NBAS: variants seen among roughly 807,000 people sequenced by gnomAD.
NBAS encodes NAG/BC035112 fusion.
In NBAS, 219 loss-of-function variants were observed where a neutral mutation model predicts 302.5. That is an observed-to-expected ratio of 0.72 (90% CI 0.65 to 0.81). The LOEUF (loss-of-function observed/expected upper bound fraction) is 0.81. Ranked by LOEUF, NBAS falls within the 30% of genes least tolerant of loss-of-function variation. The pLI is 0.00. For synonymous variants in NBAS, 1,118 were observed against 1,021.6 expected (o/e 1.09, Z -1.80); for missense variants, 2,932 against 2,841.6 (o/e 1.03, Z -0.72).
chr2:15,317,085 T>C (rs1351849004), intron 38 of NBAS, among the ~76,000 whole-genome samples: 2 of 152,160 alleles, frequency 1.3e-5, no homozygotes, highest in Non-Finnish European at 2.9e-5. Context: ...GCAGCCTCCA[T>C]TGGTGATGAA....
rs1018989950 is a variant in NBAS, at chr2:15,415,694, C to G, written c.2789G>C (p.Ser930Thr). The change falls in exon 25 of 52, where the codon AGT becomes ACT. Residue 930 changes from serine to threonine, a missense_variant. Physicochemically the swap from Ser to Thr is moderately conservative, Grantham distance 58. Transcript: ENST00000281513. ...NSCSEDKYVT[S>T]AYQWMVPFLH... ...AAAGGGAACCATCCACTGGTAGGCA[C>G]TTGTCACATATTTATCCTCAGAACA... The G allele has an allele frequency of 1.2e-6, 2 of 1,614,040 alleles. No individual in the cohort carries two copies. Among genetic ancestry groups the G allele is most frequent in the African/African-American group, 2.7e-5 (2 of 74,914 alleles).
At chr2:15,056,559 CT>C in the NBAS span, among the ~76,000 whole-genome samples, 1 of 152,168 alleles carries the variant, frequency 6.6e-6, no homozygotes, top group South Asian at 2.1e-4. Context: ...AAATAATCAT[CT>C]GTATTTTACC....
chr2:15,071,594 A>G, the NBAS span, among the ~76,000 whole-genome samples: 1 of 150,426 alleles, frequency 6.6e-6, no homozygotes, highest in African/African-American at 2.5e-5. Context: ...ACTGCACTCC[A>G]GCCTGGGTGA....
chr2:15,114,455 T>C, the NBAS span, among the ~76,000 whole-genome samples: 1 of 152,174 alleles, frequency 6.6e-6, no homozygotes, highest in Non-Finnish European at 1.5e-5. Context: ...TAATTACCTT[T>C]TTTAGGTCCC....
At position 15,424,441 on chromosome 2, in the gene NBAS, A is replaced by G; in HGVS notation, c.2451T>C (p.Asp817=). Residue 817 remains aspartate, a synonymous_variant, in exon 23 of 52, where the codon GAT becomes GAC. Coordinates refer to ENST00000281513, the MANE Select transcript of NBAS (RefSeq NM_015909.4). Reference sequence around the variant, plus strand: ...GTGCAGCATACAAGAATTCACTTTCATCTTGGAGATTCGGCTCAACAACCA... The same window carrying G: ...GTGCAGCATACAAGAATTCACTTTCGTCTTGGAGATTCGGCTCAACAACCA... The part of the protein sequence containing the change: ...CRMVVEPNLQ[D]ESEFLYAAQP... 2.5e-6 allele frequency: 4 copies of G among 1,614,134 alleles called. No homozygotes were observed. Among genetic ancestry groups the G allele is most frequent in the Non-Finnish European group, 3.4e-6 (4 of 1,179,978 alleles).
chr2:15,013,149 C>T, the NBAS span, among the ~76,000 whole-genome samples: 3 of 152,128 alleles, frequency 2.0e-5, no homozygotes, highest in Non-Finnish European at 4.4e-5. Context: ...AGAGCCACCA[C>T]GCCTGGCCAG....
At chr2:15,207,438 A>G (rs892701258) in intron 48 of NBAS, among the ~76,000 whole-genome samples, 9 of 152,214 alleles carry the variant, frequency 5.9e-5, no homozygotes, top group African/African-American at 2.2e-4. Context: ...TTTTCAGTTA[A>G]GGCTGGAATG....
chr2:15,530,150 A>T (rs1663152757), intron 9 of NBAS, among the ~76,000 whole-genome samples: 1 of 152,184 alleles, frequency 6.6e-6, no homozygotes, highest in Admixed American at 6.5e-5. Context: ...TAAACACAGG[A>T]GCCACACATA....
chr2:14,895,674 A>AGCTT, the NBAS span, among the ~76,000 whole-genome samples: 9 of 151,034 alleles, frequency 6.0e-5, no homozygotes, highest in Non-Finnish European at 1.3e-4. Context: ...CGGGAGGTGG[A>AGCTT]GCTTGCAGTG....
the NBAS span, among the ~76,000 whole-genome samples, chr2:15,097,422 ACTT>A: frequency 5.9e-5 from 9 of 152,100 alleles, no homozygotes; most frequent in Non-Finnish European, 2.9e-5. Context: ...CAACAGGCGA[ACTT>A]CTTCTGTAAA....
intron 44 of NBAS, among the ~76,000 whole-genome samples, chr2:15,248,527 G>C (rs985601180): frequency 6.6e-6 from 1 of 152,110 alleles, no homozygotes; most frequent in Non-Finnish European, 1.5e-5. Context: ...CCAGGAGCTG[G>C]TATTTTGAAA....
At chr2:15,001,496 A>G in the NBAS span, among the ~76,000 whole-genome samples, 354 of 152,342 alleles carry the variant, frequency 2.3e-3, 3 homozygotes, top group African/African-American at 8.2e-3. Flanking sequence ...AGAGACTAGC[A>G]GGAGAAAACC....
At chr2:15,268,348 G>C (rs1374297853) in intron 44 of NBAS, among the ~76,000 whole-genome samples, 1 of 152,206 alleles carries the variant, frequency 6.6e-6, no homozygotes, top group Non-Finnish European at 1.5e-5. Context: ...TCCAACAATG[G>C]TTACGGAGGC....
rs140665422 is a variant in NBAS at position 15,549,448 on chromosome 2, G to A, written c.379+2045C>T. Among the ~76,000 whole-genome samples, 453 of 152,308 alleles carry A rather than the reference G, an allele frequency of 3.0e-3. 2 individuals carry two copies. Among genetic ancestry groups the A allele is most frequent in the African/African-American group, 0.01 (428 of 41,558 alleles). On this transcript the variant is annotated intron_variant, in intron 6 of 51. Transcript: ENST00000281513. ...TGGAATAAAAGAGCTATTTAAACAGGCTGAGCACAGTGGCTCATGCCTGTA... is the reference window on the plus strand; with the variant it reads ...TGGAATAAAAGAGCTATTTAAACAGACTGAGCACAGTGGCTCATGCCTGTA...
chr2:15,433,842 AT>A (rs1677878538), intron 21 of NBAS, among the ~76,000 whole-genome samples: 1 of 152,100 alleles, frequency 6.6e-6, no homozygotes, highest in African/African-American at 2.4e-5. Flanking sequence ...CACACCTATA[AT>A]CCCAGCATTT....
intron 9 of NBAS, among the ~76,000 whole-genome samples, chr2:15,513,825 C>CA (rs112594988): frequency 2.1e-3 from 293 of 138,036 alleles, no homozygotes; most frequent in African/African-American, 4.6e-3. Context: ...CTCATCTCTA[C>CA]AAAAAAAAAA....
At chr2:15,207,600 A>G (rs917957003) in intron 48 of NBAS, among the ~76,000 whole-genome samples, 1 of 152,160 alleles carries the variant, frequency 6.6e-6, no homozygotes, top group Non-Finnish European at 1.5e-5. Context: ...ATGTGTTGGA[A>G]GAGTGGCTTG....
chr2:15,277,679 T>C (rs1228745891), intron 42 of NBAS, among the ~76,000 whole-genome samples: 1 of 152,242 alleles, frequency 6.6e-6, no homozygotes, highest in African/African-American at 2.4e-5. Context: ...TTATCTGCAG[T>C]AATGCTACTT....
At chr2:15,492,427 A>G (rs73915313) in intron 11 of NBAS, among the ~76,000 whole-genome samples, 1,556 of 152,260 alleles carry the variant, frequency 0.01, 36 homozygotes, top group African/African-American at 0.036. Flanking sequence ...TTCTGAAATA[A>G]AACTCTGCTC....
Sources: gnomAD v4.1 joint callset for allele counts (sites outside exome capture counted in the v4.1 genomes callset) on GRCh38, gnomAD v4.1.1 for gene constraint, MANE v1.5 for transcripts, NCBI Gene and HGNC (gene_info 2026-07-23, HGNC 2026-07-21) for gene names.